The following NKAIN2 variants were observed in gnomAD, a reference collection of about 807,000 sequenced individuals.
NKAIN2 encodes the protein sodium/potassium-transporting ATPase subunit beta-1-interacting protein 2.
A neutral mutation model predicts 32.6 loss-of-function variants in NKAIN2; 14 were observed. The observed-to-expected ratio is 0.43, with a 90% CI of 0.28 to 0.67. The LOEUF (loss-of-function observed/expected upper bound fraction) is 0.67, where lower values mean the gene tolerates loss of function less well. Ranked by LOEUF, NKAIN2 falls within the 30% of genes least tolerant of loss-of-function variation. NKAIN2 has a pLI of 0.17. For missense variants in NKAIN2, 198 were observed against 258.3 expected, an observed-to-expected ratio of 0.77 and a Z score of 1.60; for synonymous variants, 80 against 87.2, an observed-to-expected ratio of 0.92 and a Z score of 0.46.
At chr6:124,615,460 A>G (rs1390326317) in intron 3 of NKAIN2, among the ~76,000 whole-genome samples, 1 of 152,204 alleles carries the variant, frequency 6.6e-6, no homozygotes, top group Non-Finnish European at 1.5e-5. Context: ...ATATCAAGGT[A>G]AAGTCCTTAA....
intron 3 of NKAIN2, among the ~76,000 whole-genome samples, chr6:124,386,662 T>C (rs9491149): frequency 0.11 from 16,379 of 152,130 alleles, 1,124 homozygotes; most frequent in African/African-American, 0.19. Flanking sequence ...GCTGAGTCAA[T>C]TGAGATGTCT....
chr6:124,429,188 C>T (rs1775104601), intron 3 of NKAIN2, among the ~76,000 whole-genome samples: 1 of 151,448 alleles, frequency 6.6e-6, no homozygotes, highest in Admixed American at 6.6e-5. Context: ...CGGGTGCCCA[C>T]CACCACTCCT....
chr6:124,725,524 C>T (rs1040060992), intron 4 of NKAIN2, among the ~76,000 whole-genome samples: 1 of 152,176 alleles, frequency 6.6e-6, no homozygotes, highest in African/African-American at 2.4e-5. Context: ...TTTTTCCTGT[C>T]TTCCCATGAA....
At chr6:124,443,400 G>A (rs570733647) in intron 3 of NKAIN2, among the ~76,000 whole-genome samples, 4 of 152,246 alleles carry the variant, frequency 2.6e-5, no homozygotes, top group African/African-American at 9.6e-5. Flanking sequence ...TTGGAGTAAG[G>A]CAATAAATAT....
At chr6:124,393,299 C>A (rs775995462) in intron 3 of NKAIN2, among the ~76,000 whole-genome samples, 1 of 151,644 alleles carries the variant, frequency 6.6e-6, no homozygotes, top group Non-Finnish European at 1.5e-5. Context: ...ACGTAAGATG[C>A]AACTATAAAC....
At chr6:124,122,119 T>C (rs1384229393) in intron 1 of NKAIN2, among the ~76,000 whole-genome samples, 3 of 152,102 alleles carry the variant, frequency 2.0e-5, no homozygotes, top group African/African-American at 7.2e-5. Context: ...TGATGCATGG[T>C]ATTGAAGACA....
At chr6:124,406,689 C>T (rs1186337629) in intron 3 of NKAIN2, among the ~76,000 whole-genome samples, 3 of 151,972 alleles carry the variant, frequency 2.0e-5, no homozygotes, top group African/African-American at 7.2e-5. Flanking sequence ...TACCATTTTA[C>T]GTTCTTACAA....
chr6:124,518,680 A>T (rs1779014663), intron 3 of NKAIN2, among the ~76,000 whole-genome samples: 2 of 152,200 alleles, frequency 1.3e-5, no homozygotes, highest in South Asian at 4.1e-4. Context: ...ATTACAATTT[A>T]ACATGAGATT....
intron 1 of NKAIN2, among the ~76,000 whole-genome samples, chr6:124,071,067 C>T (rs60736117): frequency 0.22 from 33,600 of 151,920 alleles, 5,226 homozygotes; most frequent in African/African-American, 0.44. Flanking sequence ...TTTTCTAAAA[C>T]GTGTAAAAGA....
At chr6:123,827,430 T>A (rs766143171) in intron 1 of NKAIN2, among the ~76,000 whole-genome samples, 2 of 152,264 alleles carry the variant, frequency 1.3e-5, no homozygotes. Flanking sequence ...TTCTTATACA[T>A]GTACCACATG....
intron 1 of NKAIN2, among the ~76,000 whole-genome samples, chr6:123,985,228 GT>G (rs1175197844): frequency 5.9e-5 from 9 of 152,042 alleles, no homozygotes; most frequent in Non-Finnish European, 1.0e-4. Context: ...ATGAAACCCC[GT>G]TTCTACTAAA....
chr6:124,610,922 G>A (rs750387468), intron 3 of NKAIN2, among the ~76,000 whole-genome samples: 8 of 151,992 alleles, frequency 5.3e-5, no homozygotes, highest in South Asian at 2.1e-4. Context: ...GTAACCTTAT[G>A]CATCATCATT....
At chr6:123,865,071 C>T (rs1775929840) in intron 1 of NKAIN2, among the ~76,000 whole-genome samples, 1 of 151,958 alleles carries the variant, frequency 6.6e-6, no homozygotes. Flanking sequence ...TAGTCTAGGA[C>T]CCTTTTAGTA....
chr6:124,678,559 T>C (rs1442411884), intron 4 of NKAIN2, among the ~76,000 whole-genome samples: 1 of 152,196 alleles, frequency 6.6e-6, no homozygotes, highest in Non-Finnish European at 1.5e-5. Context: ...CTAAAATTCA[T>C]TTGGTTCGTT....
intron 4 of NKAIN2, among the ~76,000 whole-genome samples, chr6:124,738,583 A>T (rs1263248677): frequency 6.7e-6 from 1 of 150,016 alleles, no homozygotes; most frequent in East Asian, 2.0e-4. Context: ...TTTCACATAG[A>T]CCATGTGACT....
At chr6:124,365,193 T>C (rs904500915) in intron 3 of NKAIN2, among the ~76,000 whole-genome samples, 3 of 151,702 alleles carry the variant, frequency 2.0e-5, no homozygotes, top group Non-Finnish European at 3.0e-5. Flanking sequence ...AATATATCAA[T>C]AAATATATTA....
intron 2 of NKAIN2, among the ~76,000 whole-genome samples, chr6:124,290,511 TGTGTGTG>T (rs1394109800): frequency 1.2e-4 from 2 of 16,032 alleles, no homozygotes; most frequent in African/African-American, 6.3e-4. Context: ...ACCTCAGAAA[TGTGTGTG>T]TGTGTGTGTG....
chr6:124,647,496 CA>C (rs1157607122), intron 3 of NKAIN2, among the ~76,000 whole-genome samples: 1,244 of 58,774 alleles, frequency 0.021, 1 homozygote, highest in Non-Finnish European at 0.027. Flanking sequence ...GAGACTCTGT[CA>C]AAAAAAAAAA....
At chr6:124,482,917 G>A (rs1377882905) in intron 3 of NKAIN2, among the ~76,000 whole-genome samples, 1 of 152,120 alleles carries the variant, frequency 6.6e-6, no homozygotes, top group Non-Finnish European at 1.5e-5. Flanking sequence ...GGCGGATCAC[G>A]AGGTCAGGAG....
Sources: gnomAD v4.1 joint callset for allele counts (sites outside exome capture counted in the v4.1 genomes callset) on GRCh38, gnomAD v4.1.1 for gene constraint, MANE v1.5 for transcripts, NCBI Gene and HGNC (gene_info 2026-07-23, HGNC 2026-07-21) for gene names.